Variants in SPATS2L observed in about 807,000 individuals in gnomAD.
SPATS2L encodes the protein spermatogenesis associated serine rich 2 like, also known as SPATS2-like protein.
Under a neutral mutation model 59.6 loss-of-function variants are expected in SPATS2L, and 30 were observed. The observed-to-expected ratio is 0.50, with a 90% CI of 0.38 to 0.68. SPATS2L has a LOEUF of 0.68. Ranked by LOEUF, SPATS2L falls within the 30% of genes least tolerant of loss-of-function variation. The pLI is 0.00. For synonymous variants in SPATS2L, 252 were observed against 263.5 expected, an observed-to-expected ratio of 0.96 and a Z score of 0.42; for missense variants, 615 against 700.0, an observed-to-expected ratio of 0.88 and a Z score of 1.37.
intron 12 of SPATS2L, among the ~76,000 whole-genome samples, chr2:200,475,761 A>G (rs2099599): frequency 0.48 from 72,750 of 152,026 alleles, 19,015 homozygotes; most frequent in Middle Eastern, 0.68. Context: ...CCCTAAACCT[A>G]TACCATCCAG....
At chr2:200,406,387 C>A (rs192339763) in intron 3 of SPATS2L, among the ~76,000 whole-genome samples, 2 of 149,976 alleles carry the variant, frequency 1.3e-5, no homozygotes, top group Admixed American at 6.6e-5. Flanking sequence ...GAAAATGAAA[C>A]CCTCTCAAAC....
At chr2:200,398,276 A>G (rs1203423136) in intron 3 of SPATS2L, among the ~76,000 whole-genome samples, 2 of 152,220 alleles carry the variant, frequency 1.3e-5, no homozygotes, top group Admixed American at 6.5e-5. Context: ...AACAAAATAC[A>G]TATGTATATA....
chr2:200,415,843 C>A (rs1188640191), intron 4 of SPATS2L, among the ~76,000 whole-genome samples: 1 of 152,048 alleles, frequency 6.6e-6, no homozygotes. Context: ...AGACCACATC[C>A]CATCTCTATC....
intron 11 of SPATS2L, among the ~76,000 whole-genome samples, chr2:200,470,765 C>T (rs2086967284): frequency 6.6e-6 from 1 of 152,226 alleles, no homozygotes; most frequent in Non-Finnish European, 1.5e-5. Flanking sequence ...TACTACACTG[C>T]ATACATATAT....
chr2:200,416,273 C>CAA (rs5837739), intron 4 of SPATS2L, 106 bp from the exon 5 acceptor site: 451 of 331,980 alleles, frequency 1.4e-3, no homozygotes, highest in East Asian at 4.0e-3. Flanking sequence ...ATGAAAAAGC[C>CAA]AAAAAAAAAA....
chr2:200,306,629 G>A, upstream of SPATS2L: 12 of 992,634 alleles, frequency 1.2e-5, no homozygotes, highest in African/African-American at 1.7e-5. Flanking sequence ...GAAGGCGGGC[G>A]GGTCGGCGGG....
At chr2:200,377,016 A>G (rs1298729422) in intron 2 of SPATS2L, among the ~76,000 whole-genome samples, 1 of 152,254 alleles carries the variant, frequency 6.6e-6, no homozygotes, top group African/African-American at 2.4e-5. Flanking sequence ...AAATGAGGAC[A>G]GTGGGAAAGC....
At chr2:200,419,553 G>A in intron 6 of SPATS2L, 57 bp downstream of exon 6, 2 of 1,580,200 alleles carry the variant, frequency 1.3e-6, no homozygotes, top group Non-Finnish European at 1.7e-6. Context: ...GAGCACAAAG[G>A]GAGCTCATTG....
chr2:200,473,000 G>A lies in SPATS2L; in HGVS notation c.1229G>A (p.Ser410Asn), dbSNP rs749643237. ...GCGGCAAACCCCAAAATGGTGAGCA[G>A]TCTCCCCAGCACCGCCGACCCCTCT... ...GKAANPKMVS[S>N]LPSTADPSHQ... The change falls in exon 12 of 13, where the codon AGT (serine) becomes AAT (asparagine). Residue 410 changes from serine (S) to asparagine (N), a missense_variant. Ser to Asn is a conservative substitution (Grantham distance 46). Coordinates refer to ENST00000409140, the MANE Select transcript of SPATS2L (RefSeq NM_001100423.2). 1.9e-6 allele frequency: 3 copies of A among 1,613,364 alleles called. No homozygotes were observed. The highest frequency in any genetic ancestry group is 2.5e-6 in the Non-Finnish European group (3 of 1,179,810).
chr2:200,457,919 C>A (rs1030181357), intron 8 of SPATS2L, among the ~76,000 whole-genome samples: 5 of 152,132 alleles, frequency 3.3e-5, no homozygotes, highest in Non-Finnish European at 7.3e-5. Context: ...AAAAGTACAT[C>A]TGATGGAGAA....
chr2:200,398,167 G>A (rs945492041), intron 3 of SPATS2L, among the ~76,000 whole-genome samples: 1 of 152,186 alleles, frequency 6.6e-6, no homozygotes, highest in Non-Finnish European at 1.5e-5. Flanking sequence ...GGGGGAGTGT[G>A]GCTGGGGTGC....
chr2:200,392,987 A>G (rs2082216202), intron 3 of SPATS2L: 1 of 337,672 alleles, frequency 3.0e-6, no homozygotes, highest in African/African-American at 2.2e-5. Context: ...TTACAAACTT[A>G]TTGGCCATTG....
intron 5 of SPATS2L, among the ~76,000 whole-genome samples, chr2:200,418,581 T>TAATAAATAAATA (rs146482107): frequency 0.038 from 5,579 of 145,336 alleles, 121 homozygotes; most frequent in African/African-American, 0.052. Context: ...CCTTATTAAA[T>TAATAAATAAATA]AATAAATAAA....
intron 5 of SPATS2L, among the ~76,000 whole-genome samples, chr2:200,418,934 C>T (rs1343198789): frequency 6.6e-6 from 1 of 152,116 alleles, no homozygotes; most frequent in Non-Finnish European, 1.5e-5. Flanking sequence ...ATGGTTATCA[C>T]CAGATTTTAC....
At chr2:200,409,465 C>T (rs531825369) in intron 3 of SPATS2L, among the ~76,000 whole-genome samples, 1 of 152,094 alleles carries the variant, frequency 6.6e-6, no homozygotes, top group Non-Finnish European at 1.5e-5. Context: ...CATGTGAGTT[C>T]ACACAATTTC....
intron 1 of SPATS2L, among the ~76,000 whole-genome samples, chr2:200,307,627 C>T (rs1220878757): frequency 6.6e-6 from 1 of 152,202 alleles, no homozygotes; most frequent in Non-Finnish European, 1.5e-5. Flanking sequence ...ACGGGGTTGT[C>T]GTAGGATGCG....
chr2:200,307,044 C>T lies in SPATS2L; in HGVS notation c.-73+122C>T, dbSNP rs1302271127. 4.7e-6 allele frequency: 4 copies of T among 850,368 alleles called. No homozygotes were observed. The African/African-American group carries it at 7.3e-5, about 16-fold the overall frequency. 52.7% of individuals were successfully genotyped at this position (850,368 alleles called of 1,614,324 possible). On this transcript the variant is annotated intron_variant, in intron 1 of 12. Coordinates refer to ENST00000409140, the MANE Select transcript of SPATS2L (RefSeq NM_001100423.2). ...GCCGAGCATTCCGCAGCCCGGGCCG[C>T]CCAGCCTCCGCCGCCTCCCGGAGCG...
At chr2:200,361,865 A>G (rs2081117258) in intron 2 of SPATS2L, among the ~76,000 whole-genome samples, 1 of 152,186 alleles carries the variant, frequency 6.6e-6, no homozygotes, top group African/African-American at 2.4e-5. Context: ...TCAGTTTTTT[A>G]CCTGTCCATT....
At chr2:200,354,855 G>A (rs1202936874) in intron 2 of SPATS2L, among the ~76,000 whole-genome samples, 1 of 152,150 alleles carries the variant, frequency 6.6e-6, no homozygotes, top group Non-Finnish European at 1.5e-5. Context: ...ATGGCCATGA[G>A]TTTGTTAGTT....
Sources: allele counts gnomAD v4.1 joint callset (sites outside exome capture counted in the v4.1 genomes callset), GRCh38; gene constraint gnomAD v4.1.1; transcripts MANE v1.5; gene names NCBI Gene and HGNC (gene_info 2026-07-23, HGNC 2026-07-21).